The following MNDA variants were observed in gnomAD, a reference collection of about 807,000 sequenced individuals.
MNDA encodes the protein epididymis secretory sperm binding protein.
A neutral mutation model predicts 37.8 loss-of-function variants in MNDA; 43 were observed. The ratio of observed to expected loss-of-function variants is 1.14; its 90% CI spans 0.89 to 1.47. The LOEUF is 1.47. Among genes scored for constraint, MNDA ranks in the 40% most tolerant of loss-of-function variants. The probability of loss-of-function intolerance (pLI) is 0.00; values close to 1 mark genes in which losing one functional copy is unlikely to be tolerated. For missense variants in MNDA, 536 were observed against 476.0 expected, an observed-to-expected ratio of 1.13 and a Z score of -1.17; for synonymous variants, 181 against 169.0, an observed-to-expected ratio of 1.07 and a Z score of -0.55.
At position 158,842,308 on chromosome 1, in the gene MNDA, T is replaced by C. The variant is rs547914977; in HGVS notation, c.155T>C (p.Met52Thr). 2.9e-5 allele frequency: 47 copies of C among 1,614,024 alleles called. No homozygotes were observed. Among genetic ancestry groups the C allele is most frequent in the Non-Finnish European group, 3.9e-5 (46 of 1,180,016 alleles). The change falls in exon 2 of 7, where the codon ATG (methionine) becomes ACG (threonine). Residue 52 changes from methionine (M) to threonine (T), a missense_variant. Coordinates refer to ENST00000368141, the MANE Select transcript of MNDA (RefSeq NM_002432.3). ...AACAGAATTAAGATTACAGATTTGA[T>C]GGAAAAAAAGTTCCAAGGCGTTGCC... ...EYNRIKITDL[M>T]EKKFQGVACL...
At chr1:158,848,185 T>C (rs2820121) in intron 6 of MNDA, among the ~76,000 whole-genome samples, 81,443 of 152,004 alleles carry the variant, frequency 0.54, 22,288 homozygotes, top group East Asian at 0.68. Flanking sequence ...AGAGCAAGGG[T>C]TCTGAATAAG....
chr1:158,834,678 A>G (rs1658873275), intron 1 of MNDA, among the ~76,000 whole-genome samples: 1 of 152,132 alleles, frequency 6.6e-6, no homozygotes, highest in East Asian at 1.9e-4. Flanking sequence ...CATCGGTGTC[A>G]TGTCCAAGAA....
chr1:158,844,903 T>A (rs1190909634), intron 4 of MNDA, among the ~76,000 whole-genome samples: 1 of 152,192 alleles, frequency 6.6e-6, no homozygotes, highest in East Asian at 1.9e-4. Flanking sequence ...GTTATTATAT[T>A]CTAATCTTTC....
chr1:158,839,118 A>C (rs1425435557), intron 1 of MNDA, among the ~76,000 whole-genome samples: 1 of 152,052 alleles, frequency 6.6e-6, no homozygotes, highest in Non-Finnish European at 1.5e-5. Flanking sequence ...TTTTCTTTAA[A>C]ATTGACCATG....
At chr1:158,841,108 A>C (rs761923908) in intron 1 of MNDA, among the ~76,000 whole-genome samples, 3 of 152,142 alleles carry the variant, frequency 2.0e-5, no homozygotes, top group Non-Finnish European at 2.9e-5. Flanking sequence ...AAGCATTAAA[A>C]ACTCTAAGGA....
At position 158,845,808 on chromosome 1, in the gene MNDA, G is replaced by A. The variant is rs1198795700; in HGVS notation, c.792G>A (p.Lys264=). The part of the protein sequence containing the change: ...INLKEKFVRK[K]VITISDYSEC... ...TGAAAGAGAAATTTGTAAGGAAGAA[G>A]GTCATTACCATATCTGATTACTCTG... Residue 264 remains lysine, a synonymous_variant, in exon 5 of 7, where the codon AAG becomes AAA. Transcript: ENST00000368141. 4 of 1,614,034 alleles carry A rather than the reference G, an allele frequency of 2.5e-6. No homozygotes were observed. The highest frequency in any genetic ancestry group is 2.2e-5 in the East Asian group (1 of 44,880).
intron 2 of MNDA, among the ~76,000 whole-genome samples, chr1:158,843,017 T>C (rs1235878428): frequency 1.3e-5 from 2 of 152,160 alleles, no homozygotes; most frequent in East Asian, 1.9e-4. Context: ...TTGAGGCACA[T>C]GGAGTTCACA....
chr1:158,840,489 T>G (rs1330950754), intron 1 of MNDA, among the ~76,000 whole-genome samples: 2 of 152,102 alleles, frequency 1.3e-5, no homozygotes, highest in Non-Finnish European at 2.9e-5. Context: ...AAGATGAGAT[T>G]TGGGTTGGGA....
chr1:158,833,691 C>T (rs145031131), intron 1 of MNDA, among the ~76,000 whole-genome samples: 10 of 152,124 alleles, frequency 6.6e-5, no homozygotes, highest in African/African-American at 2.4e-4. Flanking sequence ...AATAATATTC[C>T]ATTTCATGTA....
chr1:158,842,506 C>A (rs1659049432), intron 2 of MNDA, 88 bp downstream of exon 2: 6 of 1,398,052 alleles, frequency 4.3e-6, no homozygotes, highest in Non-Finnish European at 5.9e-6. Context: ...GCTGGTACAT[C>A]CCTTTTCCAA....
intron 4 of MNDA, among the ~76,000 whole-genome samples, chr1:158,845,293 A>AGT (rs1044376029): frequency 6.6e-6 from 1 of 152,114 alleles, no homozygotes; most frequent in Non-Finnish European, 1.5e-5. Context: ...GCTGGAGTGC[A>AGT]GTGGTGCGAT....
Position 158,845,844 on chromosome 1 carries a change from A to G in MNDA, c.828A>G (p.Gly276=), listed in dbSNP as rs749760158. ...ITISDYSECK[G]VMEIKEASSV... ...TATCTGATTACTCTGAATGTAAAGG[A>G]GTAATGGAAATAAAGGAAGCATCAT... Residue 276 remains glycine, a synonymous_variant, in exon 5 of 7, where the codon GGA becomes GGG. Transcript: ENST00000368141. 6.2e-7 allele frequency: 1 copy of G among 1,614,230 alleles called. No individual in the cohort carries two copies. Among genetic ancestry groups the G allele is most frequent in the Admixed American group, 1.7e-5 (1 of 60,026 alleles).
chr1:158,837,568 T>C (rs1359821847), intron 1 of MNDA, among the ~76,000 whole-genome samples: 1 of 151,834 alleles, frequency 6.6e-6, no homozygotes, highest in African/African-American at 2.4e-5. Context: ...TTTTATTCCT[T>C]CACTTTCTAT....
chr1:158,848,403 A>AG (rs111962327), intron 6 of MNDA, among the ~76,000 whole-genome samples: 120,588 of 151,386 alleles, frequency 0.8, 48,098 homozygotes, highest in African/African-American at 0.85. Context: ...AGGAAGGTAA[A>AG]AATTGGAGGG....
chr1:158,849,094 G>A (rs1659199274), intron 6 of MNDA, 96 bp from the exon 7 acceptor site: 3 of 886,136 alleles, frequency 3.4e-6, no homozygotes, highest in Admixed American at 2.5e-5. Context: ...TGTAGCCAAT[G>A]GGAAGAAAAG....
intron 2 of MNDA, 127 bp from the exon 3 acceptor site, chr1:158,843,152 G>A: frequency 1.7e-6 from 2 of 1,205,432 alleles, no homozygotes; most frequent in Non-Finnish European, 2.3e-6. Context: ...TAATGCAGTA[G>A]AGGTAACAGG....
At chr1:158,840,628 T>C (rs1366467127) in intron 1 of MNDA, among the ~76,000 whole-genome samples, 1 of 152,188 alleles carries the variant, frequency 6.6e-6, no homozygotes, top group Non-Finnish European at 1.5e-5. Context: ...AATCTTTTCA[T>C]CCTTCAGTAT....
At chr1:158,840,114 A>T (rs1439390349) in intron 1 of MNDA, among the ~76,000 whole-genome samples, 1 of 152,150 alleles carries the variant, frequency 6.6e-6, no homozygotes, top group African/African-American at 2.4e-5. Flanking sequence ...TAGGCACTGC[A>T]AGTGTCCCAG....
chr1:158,832,592 GATT>G (rs1453877663), intron 1 of MNDA, among the ~76,000 whole-genome samples: 3 of 150,528 alleles, frequency 2.0e-5, no homozygotes, highest in East Asian at 4.4e-4. Context: ...AGTAATAACA[GATT>G]ATATTTATAA....
Sources: gnomAD v4.1 joint callset for allele counts (sites outside exome capture counted in the v4.1 genomes callset) on GRCh38, gnomAD v4.1.1 for gene constraint, MANE v1.5 for transcripts, NCBI Gene and HGNC (gene_info 2026-07-23, HGNC 2026-07-21) for gene names.